The following MUC17 variants were observed in gnomAD, a reference collection of about 807,000 sequenced individuals.
MUC17 encodes mucin 17, cell surface associated.
Under a neutral mutation model 170.3 loss-of-function variants are expected in MUC17, and 190 were observed. The observed-to-expected ratio is 1.12, with a 90% confidence interval of 0.99 to 1.26. The LOEUF (loss-of-function observed/expected upper bound fraction) is 1.26, where lower values mean the gene tolerates loss of function less well. Ranked by LOEUF, MUC17 falls within the 50% of genes most tolerant of loss-of-function variation. The pLI, the probability that MUC17 is intolerant of heterozygous loss-of-function variation, is 0.00. For synonymous variants in MUC17, 2,325 were observed against 2,002.5 expected, an observed-to-expected ratio of 1.16 and a Z score of -4.30; for missense variants, 6,415 against 5,530.0, an observed-to-expected ratio of 1.16 and a Z score of -5.08.
chr7:101,050,552 T>A lies in MUC17; in HGVS notation c.12791T>A (p.Val4264Glu). Residue 4264 changes from valine to glutamate, a missense_variant, in exon 7 of 13, where the codon GTA becomes GAA. Val to Glu is a moderately radical substitution (Grantham distance 121). Transcript: ENST00000306151. ...AAGTACACACCAGAATACAAGACAGTATTGGACAATGCCACCGAAGTAGTG... is the reference window on the plus strand; with the variant it reads ...AAGTACACACCAGAATACAAGACAGAATTGGACAATGCCACCGAAGTAGTG... ...RTKYTPEYKT[V>E]LDNATEVVKE... The A allele has an allele frequency of 6.2e-7, 1 of 1,614,184 alleles. No homozygotes were observed. Among genetic ancestry groups the A allele is most frequent in the East Asian group, 2.2e-5 (1 of 44,886 alleles).
chr7:101,049,933 C>A (rs1012101119), intron 6 of MUC17, among the ~76,000 whole-genome samples: 1 of 152,128 alleles, frequency 6.6e-6, no homozygotes, highest in Non-Finnish European at 1.5e-5. Flanking sequence ...GAGCACAAGA[C>A]CAGCCTGAGC....
intron 7 of MUC17, 148 bp downstream of exon 7, chr7:101,050,783 C>A (rs1794926591): frequency 8.3e-7 from 1 of 1,210,170 alleles, no homozygotes; most frequent in Admixed American, 2.8e-5. Context: ...GGTTGCAGCG[C>A]AAAGAAGCCC....
intron 1 of MUC17, among the ~76,000 whole-genome samples, chr7:101,030,603 CTG>C (rs1220373301): frequency 6.6e-6 from 1 of 152,250 alleles, no homozygotes; most frequent in African/African-American, 2.4e-5. Context: ...AGGTCTCACT[CTG>C]TCACCCAGGC....
In MUC17 at chr7:101,042,718, T is replaced by C. The variant is rs777484870; in HGVS notation, c.11302T>C (p.Phe3768Leu). ...ILVSTTPVTR[F>L]PESSTPSIPS... The stretch of plus-strand genomic sequence containing the variant: ...TGTCAGTACCACACCTGTTACGAGG[T>C]TTCCTGAGAGTAGCACCCCTTCCAT... The change falls in exon 3 of 13, where the codon TTT (phenylalanine) becomes CTT (leucine). Residue 3768 changes from phenylalanine to leucine, a missense_variant. Transcript: ENST00000306151. The C allele has an allele frequency of 1.9e-6, 3 of 1,613,668 alleles. No homozygotes were observed. The highest frequency in any genetic ancestry group is 2.7e-5 in the African/African-American group (2 of 74,882).
Position 101,038,763 on chromosome 7 carries a change from A to T in MUC17, c.7347A>T (p.Ser2449=), listed in dbSNP as rs1268880591. 1 of 1,611,734 alleles carries T rather than the reference A, an allele frequency of 6.2e-7. No homozygotes were observed. The highest frequency in any genetic ancestry group is 1.1e-5 in the South Asian group (1 of 91,008). Residue 2449 remains serine (S), a synonymous_variant, in exon 3 of 13, where the codon TCA becomes TCT. Transcript: ENST00000306151. ...TTAEGTSIPT[S]PPSEGTTPLA... is the part of the protein sequence containing the mutation. The stretch of plus-strand genomic sequence containing the variant: ...CTGAAGGTACCAGCATACCAACCTC[A>T]CCTCCTAGTGAAGGAACCACTCCGT...
chr7:101,033,369 A>G lies in MUC17; in HGVS notation c.1953A>G (p.Thr651=). 6.2e-7 allele frequency: 1 copy of G among 1,613,928 alleles called. No individual in the cohort carries two copies. Among genetic ancestry groups the G allele is most frequent in the Non-Finnish European group, 8.5e-7 (1 of 1,179,894 alleles). ...VASSEASTLS[T]TPVDSNTPVT... is the part of the protein sequence containing the mutation. The stretch of plus-strand genomic sequence containing the variant: ...GTTCTGAGGCTAGCACCCTTTCAAC[A>G]ACTCCTGTTGACTCCAACACTCCTG... The change falls in exon 3 of 13, where the codon ACA becomes ACG. Residue 651 remains threonine (T), a synonymous_variant. Coordinates refer to ENST00000306151, the MANE Select transcript of MUC17 (RefSeq NM_001040105.2).
chr7:101,032,454 T>C lies in MUC17; in HGVS notation c.1038T>C (p.Val346=), dbSNP rs775716748. The change falls in exon 3 of 13, where the codon GTT becomes GTC. Residue 346 remains valine, a synonymous_variant. Coordinates refer to ENST00000306151, the MANE Select transcript of MUC17 (RefSeq NM_001040105.2). Reference sequence around the variant, plus strand: ...GTACGCCTGCCAGCACCATGCCGGTTGCCACTTCTGAAATGAGCACACTTT... The same window carrying C: ...GTACGCCTGCCAGCACCATGCCGGTCGCCACTTCTGAAATGAGCACACTTT... ...LTSTPASTMP[V]ATSEMSTLSI... is the part of the protein sequence containing the mutation. 4.0e-5 allele frequency: 65 copies of C among 1,612,916 alleles called. 1 individual carries two copies. In the Admixed American group the frequency reaches 1.1e-3, roughly 26 times the overall value.
rs768311763 is a variant in MUC17 at position 101,036,730 on chromosome 7, A to G, written c.5314A>G (p.Thr1772Ala). 6.2e-7 allele frequency: 1 copy of G among 1,612,288 alleles called. No homozygotes were observed. Among genetic ancestry groups the G allele is most frequent in the African/African-American group, 1.3e-5 (1 of 74,704 alleles). Residue 1772 changes from threonine to alanine, a missense_variant, in exon 3 of 13, where the codon ACT (threonine) becomes GCT (alanine). Transcript: ENST00000306151. ...LSSEASTLSA[T>A]PIDTSTPVTT... ...TTCTGAGGCTAGCACCCTTTCAGCA[A>G]CTCCTATTGACACCAGCACCCCTGT...
In MUC17 at chr7:101,030,069, C is replaced by T. The variant is rs142093520; in HGVS notation, c.83-1051C>T. Among the ~76,000 whole-genome samples the T allele has an allele frequency of 1.5e-3, 232 of 152,292 alleles. 1 individual carries two copies. Among genetic ancestry groups the T allele is most frequent in the African/African-American group, 5.3e-3 (222 of 41,560 alleles). On this transcript the variant is annotated intron_variant, in intron 1 of 12. Coordinates refer to ENST00000306151, the MANE Select transcript of MUC17 (RefSeq NM_001040105.2). ...TATATATTTTTAAAACTTTCCCACA[C>T]ATAGATTGTTCTACGGGTCTAATTA... is the stretch of plus-strand genomic sequence containing the variant.
chr7:101,040,545 A>T lies in MUC17; in HGVS notation c.9129A>T (p.Glu3043Asp), dbSNP rs1211394305. 6.2e-7 allele frequency: 1 copy of T among 1,612,228 alleles called. No individual in the cohort carries two copies. The highest frequency in any genetic ancestry group is 8.5e-7 in the Non-Finnish European group (1 of 1,179,286). Residue 3043 changes from glutamate to aspartate, a missense_variant, in exon 3 of 13, where the codon GAA (glutamate) becomes GAT (aspartate). Transcript: ENST00000306151. Reference protein sequence around the residue: ...GTGIPISTPSEGSTPLTSIPV... With the variant: ...GTGIPISTPSDGSTPLTSIPV... ...GCATACCAATCTCAACTCCTAGTGA[A>T]GGAAGTACTCCATTAACAAGTATAC...
At chr7:101,053,700 A>T (rs1231410997) in intron 11 of MUC17, 1 of 269,858 alleles carries the variant, frequency 3.7e-6, no homozygotes, top group African/African-American at 2.2e-5. Flanking sequence ...CCACATAGTG[A>T]AACCCTGTCT....
chr7:101,053,314 G>T (rs780957287), intron 10 of MUC17, 25 bp from the exon 11 acceptor site: 3 of 1,607,070 alleles, frequency 1.9e-6, no homozygotes, highest in Admixed American at 3.3e-5. Flanking sequence ...TCCTAATGGG[G>T]TCTCTCTGAT....
rs772590752 is a variant in MUC17 at position 101,035,471 on chromosome 7, C to A, written c.4055C>A (p.Ser1352Tyr). The change falls in exon 3 of 13, where the codon TCT becomes TAT. Residue 1352 changes from serine to tyrosine, a missense_variant. Ser to Tyr is a moderately radical substitution (Grantham distance 144, BLOSUM62 -2). Transcript: ENST00000306151. ...IPVNTTLVAS[S>Y]AISILSTTPV... ...GTCAACACCACACTGGTGGCCAGTT[C>A]TGCAATCAGCATCCTTTCAACAACT... The A allele has an allele frequency of 6.2e-7, 1 of 1,602,200 alleles. No individual in the cohort carries two copies. The highest frequency in any genetic ancestry group is 2.3e-5 in the East Asian group (1 of 44,086).
intron 1 of MUC17, among the ~76,000 whole-genome samples, chr7:101,023,760 C>A (rs1794134767): frequency 1.3e-5 from 2 of 152,198 alleles, no homozygotes; most frequent in South Asian, 4.1e-4. Flanking sequence ...ATTGCAGGAT[C>A]AAATGGCAGA....
In MUC17 at chr7:101,034,270, A is replaced by G. The variant is rs146914932; in HGVS notation, c.2854A>G (p.Ser952Gly). 1.2e-5 allele frequency: 19 copies of G among 1,608,886 alleles called. No individual in the cohort carries two copies. In the African/African-American group the frequency reaches 2.5e-4, roughly 22 times the overall value. The stretch of plus-strand genomic sequence containing the variant: ...ACTTTCAGCAACTCCTGTTGACACC[A>G]GCACACCTGTGACCACTTCTACTGA... ...RTLSATPVDT[S>G]TPVTTSTEAT... The change falls in exon 3 of 13, where the codon AGC (serine) becomes GGC (glycine). Residue 952 changes from serine to glycine, a missense_variant. Physicochemically the swap from Ser to Gly is moderately conservative, Grantham distance 56. Transcript: ENST00000306151.
chr7:101,035,464 G>A lies in MUC17; in HGVS notation c.4048G>A (p.Ala1350Thr). The A allele has an allele frequency of 6.2e-7, 1 of 1,601,952 alleles. No individual in the cohort carries two copies. Among genetic ancestry groups the A allele is most frequent in the East Asian group, 2.3e-5 (1 of 44,066 alleles). ...TSIPVNTTLV[A>T]SSAISILSTT... ...TATACCTGTCAACACCACACTGGTGGCCAGTTCTGCAATCAGCATCCTTTC... is the reference window on the plus strand; with the variant it reads ...TATACCTGTCAACACCACACTGGTGACCAGTTCTGCAATCAGCATCCTTTC... Residue 1350 changes from alanine to threonine, a missense_variant, in exon 3 of 13, where the codon GCC (alanine) becomes ACC (threonine). Ala to Thr is a moderately conservative substitution (Grantham distance 58). Coordinates refer to ENST00000306151, the MANE Select transcript of MUC17 (RefSeq NM_001040105.2).
In MUC17 at chr7:101,039,514, A is replaced by G. The variant is rs777363107; in HGVS notation, c.8098A>G (p.Ser2700Gly). The G allele has an allele frequency of 1.1e-5, 17 of 1,610,756 alleles. No homozygotes were observed. The highest frequency in any genetic ancestry group is 1.3e-5 in the Non-Finnish European group (15 of 1,178,444). ...RSTPLTNILV[S>G]TTLLANSEAS... ...CACTCCATTAACAAATATACTTGTC[A>G]GCACCACGCTGTTGGCCAATTCTGA... The change falls in exon 3 of 13, where the codon AGC becomes GGC. Residue 2700 changes from serine to glycine, a missense_variant. Transcript: ENST00000306151.
At chr7:101,045,050 G>A (rs113441974) in intron 3 of MUC17, among the ~76,000 whole-genome samples, 1,646 of 152,070 alleles carry the variant, frequency 0.011, 34 homozygotes, top group African/African-American at 0.037. Flanking sequence ...TAGGGTGAGC[G>A]TTGCACCATT....
intron 1 of MUC17, among the ~76,000 whole-genome samples, chr7:101,030,693 T>A (rs1794262904): frequency 6.6e-6 from 1 of 151,690 alleles, no homozygotes; most frequent in South Asian, 2.1e-4. Context: ...CTCAGCCTCC[T>A]GGGTAGCTGG....
Sources: gnomAD v4.1 joint callset for allele counts (sites outside exome capture counted in the v4.1 genomes callset) on GRCh38, gnomAD v4.1.1 for gene constraint, MANE v1.5 for transcripts, NCBI Gene and HGNC (gene_info 2026-07-23, HGNC 2026-07-21) for gene names.